Variants in P2RX6 observed in about 807,000 individuals in gnomAD.
P2RX6 encodes the protein P2X purinoceptor 6.
P2RX6 carries 62 observed loss-of-function variants against 54.2 expected under a neutral mutation model. The observed-to-expected ratio is 1.14, with a 90% CI of 0.93 to 1.41. The LOEUF is 1.41. P2RX6 is among the 40% of genes most tolerant of loss of function. The pLI is 0.00. For synonymous variants in P2RX6, 211 were observed against 231.9 expected (o/e 0.91, Z 0.82); for missense variants, 541 against 566.3 (o/e 0.96, Z 0.45).
At chr22:21,017,846 T>G (rs756134151) in intron 2 of P2RX6, 143 bp from the exon 3 acceptor site, 172 of 706,152 alleles carry the variant, frequency 2.4e-4, no homozygotes, top group Non-Finnish European at 3.9e-4. Flanking sequence ...GCCTCCCATC[T>G]CTGCTTCAGT....
At position 21,027,800 on chromosome 22, in the gene P2RX6, G is replaced by C. The variant is rs145710369; in HGVS notation, c.*1183G>C. 1,209 of 152,528 alleles carry C rather than the reference G, an allele frequency of 7.9e-3. 13 individuals carry two copies. Among genetic ancestry groups the C allele is most frequent in the Middle Eastern group, 0.041 (12 of 296 alleles). 9.4% of individuals were successfully genotyped at this position (152,528 alleles called of 1,614,324 possible). A position where few individuals can be genotyped will look rare whatever the true frequency, so the allele number is the denominator to read the frequency against. On this transcript the variant is annotated 3_prime_UTR_variant, in exon 12 of 12. Transcript: ENST00000413302. The stretch of plus-strand genomic sequence containing the variant: ...CATCTAGAATCACCTGCCACCTGGA[G>C]CCTCAGTAAAATGCCTGGGGTCCCT...
At chr22:21,016,639 G>A (rs1042342325) in intron 2 of P2RX6, among the ~76,000 whole-genome samples, 6 of 150,860 alleles carry the variant, frequency 4.0e-5, no homozygotes, top group Admixed American at 4.0e-4. Context: ...TCCAAAGACT[G>A]CCAACAGAAA....
chr22:21,026,349 C>T lies in P2RX6; in HGVS notation c.1128+20C>T. The T allele has an allele frequency of 6.3e-6, 10 of 1,594,956 alleles. No individual in the cohort carries two copies. Among genetic ancestry groups the T allele is most frequent in the Non-Finnish European group, 8.5e-6 (10 of 1,170,722 alleles). On this transcript the variant is annotated intron_variant, in intron 11 of 11. Transcript: ENST00000413302. The surrounding 1 kb of genome is among the most constrained non-coding windows in gnomAD (Gnocchi z 4.0). The stretch of plus-strand genomic sequence containing the variant: ...GAGGAGGTGAGCTGAGGTCGCTCTG[C>T]TTGGACCCTGGGTTCTGCCACACTT...
chr22:21,012,431 A>C (rs1051206882), upstream of P2RX6: 6 of 412,294 alleles, frequency 1.5e-5, no homozygotes, highest in Non-Finnish European at 2.3e-5. Context: ...CACCAGCAGG[A>C]CCCAGGTGAC....
At chr22:21,011,434 G>C, upstream of P2RX6, 1 of 696,386 alleles carries the variant, frequency 1.4e-6, no homozygotes, top group Non-Finnish European at 2.7e-6. Flanking sequence ...CTTCAGGTCT[G>C]TGTGGGCCAG....
upstream of P2RX6, chr22:21,011,450 G>T: frequency 2.9e-6 from 2 of 700,656 alleles, no homozygotes; most frequent in Non-Finnish European, 5.3e-6. Flanking sequence ...GCCAGCAGGA[G>T]TTCGGCAAGG....
chr22:21,016,078 G>A lies in P2RX6; in HGVS notation c.301G>A (p.Val101Met). Residue 101 changes from valine to methionine, a missense_variant, in exon 2 of 12, where the codon GTG (valine) becomes ATG (methionine). Transcript: ENST00000413302. The stretch of plus-strand genomic sequence containing the variant: ...CCGGCTGTGGGATGTGGCCGACTTC[G>A]TGAAGCCACCTCAGGTGGGGGCCCT... The part of the protein sequence containing the change: ...GNRLWDVADF[V>M]KPPQGENVFF... 2.6e-6 allele frequency: 4 copies of A among 1,563,404 alleles called. No homozygotes were observed. The highest frequency in any genetic ancestry group is 2.6e-6 in the Non-Finnish European group (3 of 1,154,724).
upstream of P2RX6, chr22:21,012,653 G>A (rs1279857113): frequency 1.5e-5 from 8 of 539,056 alleles, no homozygotes; most frequent in Non-Finnish European, 2.5e-5. Context: ...GCCAGAGACC[G>A]GCGCCCTGGG....
At chr22:21,023,449 G>C in intron 7 of P2RX6, 33 bp downstream of exon 7, 1 of 1,613,902 alleles carries the variant, frequency 6.2e-7, no homozygotes. Flanking sequence ...GGTTCCTAGA[G>C]GGCTCTGGGA....
At chr22:21,024,037 C>T (rs1927960426) in intron 8 of P2RX6, among the ~76,000 whole-genome samples, 1 of 150,820 alleles carries the variant, frequency 6.6e-6, no homozygotes, top group Non-Finnish European at 1.5e-5. Flanking sequence ...CTCACTGTAA[C>T]CTCTGCTTCC....
intron 4 of P2RX6, 63 bp downstream of exon 4, chr22:21,022,814 T>G (rs1290207948): frequency 6.7e-7 from 1 of 1,490,250 alleles, no homozygotes; most frequent in Non-Finnish European, 9.1e-7. Context: ...GGATCCTGGG[T>G]GGCTCCTGAG....
At chr22:21,012,777 C>A (rs1925816793), upstream of P2RX6, 2 of 258,538 alleles carry the variant, frequency 7.7e-6, no homozygotes, top group South Asian at 1.6e-4. Context: ...GGGACACATG[C>A]TTCTCCTTTT....
Position 21,015,969 on chromosome 22 carries a change from C to A in P2RX6, c.192C>A (p.Tyr64Ter), listed in dbSNP as rs1308977536. ...VGWALLAKKGYQERDLEPQFS... is the reference protein window; with the variant it reads ...VGWALLAKKG Reference sequence around the variant, plus strand: ...GGGCTCTCCTCGCCAAAAAAGGCTACCAGGAGCGGGACCTGGAACCCCAGT... The same window carrying A: ...GGGCTCTCCTCGCCAAAAAAGGCTAACAGGAGCGGGACCTGGAACCCCAGT... The change falls in exon 2 of 12, where the codon TAC becomes TAA. Residue 64 changes from tyrosine to a stop codon, truncating the protein, a stop_gained. Transcript: ENST00000413302. LOFTEE classifies it high-confidence loss of function. 4.5e-6 allele frequency: 7 copies of A among 1,549,732 alleles called. No individual in the cohort carries two copies. The highest frequency in any genetic ancestry group is 6.1e-6 in the Non-Finnish European group (7 of 1,147,032).
At chr22:21,010,835 C>T (rs562761893), upstream of P2RX6, among the ~76,000 whole-genome samples, 1 of 152,144 alleles carries the variant, frequency 6.6e-6, no homozygotes, top group South Asian at 2.1e-4. Context: ...AGCCTGGCCA[C>T]GCTTCCCTGG....
intron 2 of P2RX6, 71 bp downstream of exon 2, chr22:21,016,163 A>C (rs897868823): frequency 2.1e-6 from 3 of 1,454,656 alleles, no homozygotes; most frequent in Non-Finnish European, 2.8e-6. Context: ...CCCGCCATGC[A>C]GCCAGTGTGT....
rs772339412 is a variant in P2RX6 at position 21,026,004 on chromosome 22, C to G, written c.985-7C>G. The G allele has an allele frequency of 1.2e-6, 2 of 1,609,340 alleles. No individual in the cohort carries two copies. The highest frequency in any genetic ancestry group is 2.2e-5 in the East Asian group (1 of 44,690). ...GGGCTGAGAGGTTCAGCTCAGATCT[C>G]TCTCAGGCAGGGAAGTTCGGGCTCA... On this transcript the variant is annotated splice_polypyrimidine_tract_variant and splice_region_variant and intron_variant, in intron 9 of 11. Coordinates refer to ENST00000413302, the MANE Select transcript of P2RX6 (RefSeq NM_005446.5). This position sits in a 1 kb window ranked among gnomAD's most constrained non-coding sequence, Gnocchi z 4.0.
chr22:21,024,315 T>C (rs1601775250), intron 8 of P2RX6, among the ~76,000 whole-genome samples: 3 of 151,718 alleles, frequency 2.0e-5, no homozygotes, highest in African/African-American at 7.3e-5. Flanking sequence ...TCTCACTCTG[T>C]CGCCCAGGCT....
At chr22:21,015,009 G>A, upstream of P2RX6, 2 of 521,738 alleles carry the variant, frequency 3.8e-6, no homozygotes, top group Non-Finnish European at 6.6e-6. Flanking sequence ...TGTAGGGAGG[G>A]TGGGAGGTGC....
upstream of P2RX6, among the ~76,000 whole-genome samples, chr22:21,013,584 C>A (rs1384761526): frequency 1.3e-5 from 2 of 152,168 alleles, no homozygotes; most frequent in East Asian, 3.9e-4. Context: ...AAGACCCTGG[C>A]TCTAATAAAT....
Sources: gnomAD v4.1 joint callset for allele counts (sites outside exome capture counted in the v4.1 genomes callset) on GRCh38, gnomAD v4.1.1 for gene constraint, Gnocchi (gnomAD v3.1) non-coding constraint, MANE v1.5 for transcripts, NCBI Gene and HGNC (gene_info 2026-07-23, HGNC 2026-07-21) for gene names.